The following SUCLG2 variants were observed in gnomAD, a reference collection of about 807,000 sequenced individuals.
SUCLG2 encodes succinate-CoA ligase GDP-forming subunit beta, also known as succinate--CoA ligase [GDP-forming] subunit beta, mitochondrial.
Under a neutral mutation model 47.9 loss-of-function variants are expected in SUCLG2, and 42 were observed. The ratio of observed to expected loss-of-function variants is 0.88; its 90% CI spans 0.69 to 1.14. The LOEUF (loss-of-function observed/expected upper bound fraction) is 1.14, where lower values mean the gene tolerates loss of function less well. Among genes scored for constraint, SUCLG2 ranks in the 50% most tolerant of loss-of-function variants. The probability of loss-of-function intolerance (pLI) is 0.00; values close to 1 mark genes in which losing one functional copy is unlikely to be tolerated. For missense variants in SUCLG2, 571 were observed against 525.9 expected (o/e 1.09, Z -0.84); for synonymous variants, 195 against 197.3 (o/e 0.99, Z 0.10).
rs117688236 is a variant in SUCLG2 at position 67,625,702 on chromosome 3, C to T, written c.85-16106G>A. Among the ~76,000 whole-genome samples, 217 of 152,250 alleles carry T rather than the reference C, an allele frequency of 1.4e-3. 1 individual carries two copies. The highest frequency in any genetic ancestry group is 9.9e-3 in the East Asian group (51 of 5,176). ...CACCCCAAGGAAGTATACCGATGGC[C>T]GGGAAAATGAACTGAGGCCTTGAGA... On this transcript the variant is annotated intron_variant, in intron 1 of 10. Transcript: ENST00000307227.
chr3:67,477,041 T>C (rs1704780794), intron 9 of SUCLG2, among the ~76,000 whole-genome samples: 1 of 152,110 alleles, frequency 6.6e-6, no homozygotes, highest in South Asian at 2.1e-4. Flanking sequence ...TCATGATTCT[T>C]GAATCTACAA....
At chr3:67,572,243 A>C (rs1177367282) in intron 2 of SUCLG2, among the ~76,000 whole-genome samples, 1 of 152,204 alleles carries the variant, frequency 6.6e-6, no homozygotes, top group Non-Finnish European at 1.5e-5. Context: ...TTCCCCAAGA[A>C]ACAGGAGTAA....
intron 1 of SUCLG2, among the ~76,000 whole-genome samples, chr3:67,611,407 A>G (rs1575815286): frequency 6.6e-6 from 1 of 152,234 alleles, no homozygotes; most frequent in East Asian, 1.9e-4. Context: ...TTGATGAAAC[A>G]TTAGTAATTT....
At chr3:67,530,534 G>A (rs987661891) in intron 2 of SUCLG2, among the ~76,000 whole-genome samples, 4 of 152,096 alleles carry the variant, frequency 2.6e-5, no homozygotes, top group Admixed American at 6.6e-5. Context: ...AGGTTCAAAC[G>A]GAAAGAGCTG....
chr3:67,591,189 G>A (rs1708154780), intron 2 of SUCLG2, among the ~76,000 whole-genome samples: 1 of 152,172 alleles, frequency 6.6e-6, no homozygotes, highest in South Asian at 2.1e-4. Flanking sequence ...TACCATTCCA[G>A]AGAAAGGATG....
chr3:67,467,303 T>C (rs998936343), intron 9 of SUCLG2, among the ~76,000 whole-genome samples: 2 of 152,234 alleles, frequency 1.3e-5, no homozygotes, highest in African/African-American at 4.8e-5. Context: ...TTTTCTCACC[T>C]GAAATATTGA....
Position 67,646,091 on chromosome 3 carries a change from CAGGGGAGGGGAGGGGAGGAG to C in SUCLG2, c.84+8392_84+8411del, listed in dbSNP as rs1311687461. 2.9e-4 allele frequency among the ~76,000 whole-genome samples: 9 copies of C among 30,670 alleles called. No homozygotes were observed. The South Asian group carries it at 4.8e-3, about 16-fold the overall frequency. The allele number at this position is 30,670 out of a possible 152,430, so 20.1% of individuals were successfully genotyped here. ...GAAGGGAGGGGAATGGAGGGGAGGG[CAGGGGAGGGGAGGGGAGGAG>C]AGGGGAGGGGAGGGGAGAATATGGT... On this transcript the variant is annotated intron_variant, in intron 1 of 10. Coordinates refer to ENST00000307227, the MANE Select transcript of SUCLG2 (RefSeq NM_003848.4).
chr3:67,645,386 C>CTT (rs1456434200), intron 1 of SUCLG2, among the ~76,000 whole-genome samples: 1 of 152,142 alleles, frequency 6.6e-6, no homozygotes, highest in East Asian at 1.9e-4. Context: ...CCCACCCTCG[C>CTT]TTAGGACAAG....
chr3:67,589,558 C>G (rs554551852), intron 2 of SUCLG2, among the ~76,000 whole-genome samples: 31 of 152,352 alleles, frequency 2.0e-4, no homozygotes, highest in Non-Finnish European at 4.0e-4. Flanking sequence ...GATAAGTCCT[C>G]AAGGCCTAAG....
chr3:67,611,889 TA>T (rs1235546951), intron 1 of SUCLG2, among the ~76,000 whole-genome samples: 1 of 152,202 alleles, frequency 6.6e-6, no homozygotes, highest in Non-Finnish European at 1.5e-5. Flanking sequence ...CTGTTGCTCT[TA>T]AATTGAAAAC....
intron 9 of SUCLG2, among the ~76,000 whole-genome samples, chr3:67,461,923 A>AGAGATCATGCCAGCAAGGGGAGGT (rs1704347248): frequency 6.6e-6 from 1 of 152,070 alleles, no homozygotes; most frequent in Admixed American, 6.5e-5. Flanking sequence ...AACAGATGGT[A>AGAGATCATGCCAGCAAGGGGAGGT]GAGATCATGC....
chr3:67,461,501 A>T (rs1235477973), intron 9 of SUCLG2, among the ~76,000 whole-genome samples: 1 of 152,036 alleles, frequency 6.6e-6, no homozygotes, highest in Non-Finnish European at 1.5e-5. Context: ...TATATTATGT[A>T]TCAGGTACTG....
intron 2 of SUCLG2, among the ~76,000 whole-genome samples, chr3:67,599,400 G>A (rs147045812): frequency 1.3e-5 from 2 of 152,322 alleles, no homozygotes; most frequent in East Asian, 3.9e-4. Context: ...AGCTGACTGT[G>A]TATGCCACAG....
intron 9 of SUCLG2, among the ~76,000 whole-genome samples, chr3:67,460,001 T>C (rs1704292270): frequency 6.6e-6 from 1 of 152,178 alleles, no homozygotes; most frequent in Non-Finnish European, 1.5e-5. Context: ...CATTACACTT[T>C]TGTTTACATA....
Position 67,562,638 on chromosome 3 carries a change from C to T in SUCLG2, c.227-33452G>A, listed in dbSNP as rs182560843. On this transcript the variant is annotated intron_variant, in intron 2 of 10. Coordinates refer to ENST00000307227, the MANE Select transcript of SUCLG2 (RefSeq NM_003848.4). ...AATTTTATGTAATAAAGATGCAGCA[C>T]GATGGTTAATGGTCAAGTGTATGGC... Among the ~76,000 whole-genome samples, 212 of 152,248 alleles carry T rather than the reference C, an allele frequency of 1.4e-3. 3 individuals carry two copies. The highest frequency in any genetic ancestry group is 1.8e-3 in the Non-Finnish European group (122 of 68,022).
At chr3:67,452,743 A>G (rs1704085661) in intron 9 of SUCLG2, among the ~76,000 whole-genome samples, 1 of 152,236 alleles carries the variant, frequency 6.6e-6, no homozygotes, top group Non-Finnish European at 1.5e-5. Flanking sequence ...CATCAGAGAT[A>G]ACATCTAATA....
chr3:67,643,469 C>T (rs781078725), intron 1 of SUCLG2, among the ~76,000 whole-genome samples: 3 of 152,178 alleles, frequency 2.0e-5, no homozygotes, highest in Non-Finnish European at 4.4e-5. Flanking sequence ...CTATAGAAAA[C>T]TGGTTTGCTT....
At chr3:67,609,623 GAACA>G in intron 1 of SUCLG2, 27 bp from the exon 2 acceptor site, 1 of 1,606,430 alleles carries the variant, frequency 6.2e-7, no homozygotes, top group Non-Finnish European at 8.5e-7. Context: ...AGAGAGGTAA[GAACA>G]TTCATTAATA....
chr3:67,593,736 G>A (rs1379553748), intron 2 of SUCLG2, among the ~76,000 whole-genome samples: 2 of 152,156 alleles, frequency 1.3e-5, no homozygotes, highest in Non-Finnish European at 2.9e-5. Context: ...CCCATGTTCA[G>A]GGAACTCCTC....
Sources: allele counts gnomAD v4.1 joint callset (sites outside exome capture counted in the v4.1 genomes callset), GRCh38; gene constraint gnomAD v4.1.1; transcripts MANE v1.5; gene names NCBI Gene and HGNC (gene_info 2026-07-23, HGNC 2026-07-21).